Variants in ALK observed in about 807,000 individuals in gnomAD.
ALK encodes the protein ALK tyrosine kinase receptor.
A neutral mutation model predicts 163.1 loss-of-function variants in ALK; 74 were observed. The observed-to-expected ratio is 0.45, with a 90% confidence interval of 0.38 to 0.55. The LOEUF is 0.55. Among genes scored for constraint, ALK ranks in the 20% least tolerant of loss-of-function variants. The probability of loss-of-function intolerance (pLI) is 0.00; values close to 1 mark genes in which losing one functional copy is unlikely to be tolerated. For missense variants in ALK, 2,063 were observed against 2,105.3 expected, an observed-to-expected ratio of 0.98 and a Z score of 0.39; for synonymous variants, 960 against 843.2, an observed-to-expected ratio of 1.14 and a Z score of -2.40.
At chr2:29,223,813 G>A (rs2148171969) in intron 19 of ALK, 2 of 505,928 alleles carry the variant, frequency 4.0e-6, no homozygotes, top group East Asian at 6.8e-5. Context: ...GAAGCAGACT[G>A]GAGATGGGAT....
chr2:29,542,598 G>A (rs550331792), intron 3 of ALK, among the ~76,000 whole-genome samples: 11 of 152,248 alleles, frequency 7.2e-5, no homozygotes, highest in South Asian at 2.1e-4. Context: ...TAGTTTCAGC[G>A]TTTTCTAGTG....
chr2:29,712,114 T>G (rs1338322637), intron 2 of ALK, among the ~76,000 whole-genome samples: 1 of 152,144 alleles, frequency 6.6e-6, no homozygotes, highest in Admixed American at 6.5e-5. Flanking sequence ...CTAAGGCAAC[T>G]CCTTTATATT....
At chr2:29,201,781 TAAAA>T (rs34316026) in intron 26 of ALK, among the ~76,000 whole-genome samples, 2 of 138,450 alleles carry the variant, frequency 1.4e-5, no homozygotes, top group Admixed American at 7.2e-5. Flanking sequence ...AATGACAGTC[TAAAA>T]AAAAAAAAAA....
intron 2 of ALK, among the ~76,000 whole-genome samples, chr2:29,698,376 G>A (rs1048339849): frequency 1.3e-5 from 2 of 152,176 alleles, no homozygotes; most frequent in African/African-American, 4.8e-5. Context: ...CTCCTCTAGG[G>A]AGGGTCAAAA....
chr2:29,455,632 A>G (rs1670932691), intron 4 of ALK, among the ~76,000 whole-genome samples: 1 of 152,216 alleles, frequency 6.6e-6, no homozygotes, highest in South Asian at 2.1e-4. Context: ...TGGCTGCAGA[A>G]GGGAACAAGC....
chr2:29,718,416 C>T (rs1679326737), intron 1 of ALK, among the ~76,000 whole-genome samples: 1 of 152,246 alleles, frequency 6.6e-6, no homozygotes, highest in Admixed American at 6.5e-5. Context: ...ACTGCCTGAT[C>T]TAACACAGTG....
intron 1 of ALK, among the ~76,000 whole-genome samples, chr2:29,751,510 GT>G (rs1680366353): frequency 6.6e-6 from 1 of 152,162 alleles, no homozygotes; most frequent in Admixed American, 6.6e-5. Flanking sequence ...GTTGAGTTGT[GT>G]GTTTATGGAG....
At chr2:29,817,211 C>T (rs12995233) in intron 1 of ALK, among the ~76,000 whole-genome samples, 3 of 148,234 alleles carry the variant, frequency 2.0e-5, no homozygotes, top group African/African-American at 7.5e-5. Flanking sequence ...TCACACTAAG[C>T]GGTGGGGTGT....
At chr2:29,295,195 C>T (rs756012371) in intron 9 of ALK, among the ~76,000 whole-genome samples, 32 of 152,160 alleles carry the variant, frequency 2.1e-4, no homozygotes, top group African/African-American at 7.2e-4. Context: ...GGTAAACAGC[C>T]TTTAACAGGG....
At chr2:29,574,840 T>A (rs147253024) in intron 3 of ALK, among the ~76,000 whole-genome samples, 1 of 152,264 alleles carries the variant, frequency 6.6e-6, no homozygotes, top group African/African-American at 2.4e-5. Context: ...CGCAGCACAG[T>A]CCCACACACA....
intron 8 of ALK, among the ~76,000 whole-genome samples, chr2:29,300,644 A>G (rs1195622977): frequency 6.6e-6 from 1 of 151,982 alleles, no homozygotes; most frequent in Non-Finnish European, 1.5e-5. Context: ...AGGTGGATCT[A>G]CAAAGGAACC....
chr2:29,595,466 G>A (rs902848225), intron 3 of ALK, among the ~76,000 whole-genome samples: 6 of 151,946 alleles, frequency 3.9e-5, no homozygotes, highest in South Asian at 2.1e-4. Flanking sequence ...GACTACAGGC[G>A]CCCACCACCA....
intron 3 of ALK, among the ~76,000 whole-genome samples, chr2:29,580,354 A>G (rs1269755404): frequency 6.6e-6 from 1 of 152,188 alleles, no homozygotes; most frequent in Non-Finnish European, 1.5e-5. Context: ...TGAAGCCCAG[A>G]TGCACTCGCT....
At chr2:29,220,631 T>C (rs1428791318) in intron 23 of ALK, 75 bp downstream of exon 23, 1 of 1,605,678 alleles carries the variant, frequency 6.2e-7, no homozygotes, top group African/African-American at 1.3e-5. Context: ...CTACCCAGGC[T>C]GCCCACTCTT....
intron 2 of ALK, among the ~76,000 whole-genome samples, chr2:29,713,217 T>G (rs572773598): frequency 7.2e-5 from 11 of 152,320 alleles, no homozygotes; most frequent in African/African-American, 2.4e-4. Flanking sequence ...AGGACACCAA[T>G]CATATTGGAT....
At chr2:29,793,347 T>G (rs542512668) in intron 1 of ALK, among the ~76,000 whole-genome samples, 1 of 152,198 alleles carries the variant, frequency 6.6e-6, no homozygotes, top group Non-Finnish European at 1.5e-5. Context: ...TCTACTGAAG[T>G]CTTGAACCCC....
chr2:29,788,490 A>T (rs989220406), intron 1 of ALK, among the ~76,000 whole-genome samples: 1 of 152,164 alleles, frequency 6.6e-6, no homozygotes, highest in African/African-American at 2.4e-5. Flanking sequence ...GTCTGGGAGA[A>T]ATTAGAAGTT....
At chr2:29,313,487 A>G (rs1469518639) in intron 8 of ALK, among the ~76,000 whole-genome samples, 1 of 150,994 alleles carries the variant, frequency 6.6e-6, no homozygotes, top group African/African-American at 2.4e-5. Flanking sequence ...GGGATTCTCT[A>G]TCTGCCTGCA....
chr2:29,799,958 G>C (rs1351697756), intron 1 of ALK, among the ~76,000 whole-genome samples: 1 of 152,364 alleles, frequency 6.6e-6, no homozygotes. Context: ...AACTTTCTCT[G>C]TACCTGGCAC....
Sources: gnomAD v4.1 joint callset for allele counts (sites outside exome capture counted in the v4.1 genomes callset) on GRCh38, gnomAD v4.1.1 for gene constraint, MANE v1.5 for transcripts, NCBI Gene and HGNC (gene_info 2026-07-23, HGNC 2026-07-21) for gene names.